Variants in GRB14 observed in about 807,000 individuals in gnomAD.
The protein encoded by GRB14 is growth factor receptor-bound protein 14.
GRB14 carries 38 observed loss-of-function variants against 69.1 expected under a neutral mutation model. The observed-to-expected ratio is 0.55, with a 90% confidence interval of 0.42 to 0.72. The LOEUF (loss-of-function observed/expected upper bound fraction) is 0.72. Among genes scored for constraint, GRB14 ranks in the 30% least tolerant of loss-of-function variants. The pLI, the probability that GRB14 is intolerant of heterozygous loss-of-function variation, is 0.00. For synonymous variants in GRB14, 247 were observed against 241.3 expected (o/e 1.02, Z -0.22); for missense variants, 666 against 666.1 (o/e 1.00, Z 0.00).
intron 2 of GRB14, among the ~76,000 whole-genome samples, chr2:164,569,212 G>T (rs1381825298): frequency 2.6e-5 from 4 of 152,066 alleles, no homozygotes; most frequent in African/African-American, 9.7e-5. Context: ...AAATTTTAAT[G>T]ACCATTTTGC....
In GRB14 at chr2:164,608,797, T is replaced by G. The variant is rs112355235; in HGVS notation, c.324+10890A>C. ...TGTAGTAGTCACCATGACAAATATT[T>G]CTTATGTTTTTCAGGAATGCAAACG... On this transcript the variant is annotated intron_variant, in intron 2 of 13. Coordinates refer to ENST00000263915, the MANE Select transcript of GRB14 (RefSeq NM_004490.3). 7.1e-3 allele frequency among the ~76,000 whole-genome samples: 1,088 copies of G among 152,272 alleles called. 6 individuals are homozygous for G. The highest frequency in any genetic ancestry group is 0.01 in the Middle Eastern group (3 of 294).
rs184257162 is a variant in GRB14 at position 164,566,784 on chromosome 2, T to C, written c.325-18968A>G. Among the ~76,000 whole-genome samples the C allele has an allele frequency of 1.2e-3, 177 of 152,214 alleles. 1 individual carries two copies. The highest frequency in any genetic ancestry group is 4.2e-3 in the African/African-American group (173 of 41,558). ...AACCATGAAAATATAAAATATTTGG[T>C]TCACAGAATTATAGACACAAATAAG... On this transcript the variant is annotated intron_variant, in intron 2 of 13. Coordinates refer to ENST00000263915, the MANE Select transcript of GRB14 (RefSeq NM_004490.3).
intron 3 of GRB14, among the ~76,000 whole-genome samples, chr2:164,541,492 A>T (rs1353020893): frequency 6.6e-6 from 1 of 151,092 alleles, no homozygotes; most frequent in African/African-American, 2.4e-5. Flanking sequence ...ATAATAATAA[A>T]TAATAATAAT....
intron 3 of GRB14, among the ~76,000 whole-genome samples, chr2:164,532,680 G>A (rs78428219): frequency 2.0e-5 from 3 of 152,258 alleles, no homozygotes; most frequent in African/African-American, 7.2e-5. Context: ...AGCTGTTAAC[G>A]GGCAAGGGGT....
intron 6 of GRB14, among the ~76,000 whole-genome samples, chr2:164,510,339 T>C (rs1451053228): frequency 6.6e-6 from 1 of 152,168 alleles, no homozygotes; most frequent in Non-Finnish European, 1.5e-5. Context: ...GGCTATGAAG[T>C]TGAACGGGCA....
At chr2:164,618,777 TAAGA>T (rs1309881895) in intron 2 of GRB14, among the ~76,000 whole-genome samples, 1 of 152,116 alleles carries the variant, frequency 6.6e-6, no homozygotes. Flanking sequence ...GGTGCAGAAA[TAAGA>T]AAGAGAGCAA....
intron 2 of GRB14, among the ~76,000 whole-genome samples, chr2:164,597,863 A>G (rs1689821019): frequency 6.6e-6 from 1 of 152,146 alleles, no homozygotes; most frequent in African/African-American, 2.4e-5. Flanking sequence ...TTCAAAATTG[A>G]TACCTTGGAA....
At chr2:164,616,225 T>C (rs1263469820) in intron 2 of GRB14, among the ~76,000 whole-genome samples, 4 of 151,766 alleles carry the variant, frequency 2.6e-5, no homozygotes, top group Non-Finnish European at 4.4e-5. Flanking sequence ...GAGATGGAGA[T>C]CATCCTGGCT....
intron 3 of GRB14, among the ~76,000 whole-genome samples, chr2:164,544,150 T>C (rs980278607): frequency 6.6e-6 from 1 of 152,196 alleles, no homozygotes; most frequent in Non-Finnish European, 1.5e-5. Flanking sequence ...TTTCAGCAGT[T>C]TCCAGAAAAT....
intron 8 of GRB14, among the ~76,000 whole-genome samples, chr2:164,505,440 C>A (rs778601340): frequency 5.9e-5 from 9 of 152,132 alleles, no homozygotes; most frequent in Non-Finnish European, 1.2e-4. Context: ...TTGCCCGAAA[C>A]CTTTGGTGGG....
intron 2 of GRB14, among the ~76,000 whole-genome samples, chr2:164,564,325 C>T (rs1300399349): frequency 2.0e-5 from 3 of 152,170 alleles, no homozygotes; most frequent in Admixed American, 1.3e-4. Context: ...GGCCCTGGAG[C>T]ATGGCAAATG....
intron 3 of GRB14, among the ~76,000 whole-genome samples, chr2:164,532,387 C>T (rs989700769): frequency 2.0e-5 from 3 of 152,074 alleles, no homozygotes; most frequent in African/African-American, 7.2e-5. Flanking sequence ...TCTTATAATA[C>T]CTATAGTAAG....
intron 8 of GRB14, among the ~76,000 whole-genome samples, chr2:164,507,891 A>G (rs1011531063): frequency 1.3e-5 from 2 of 152,184 alleles, no homozygotes; most frequent in Admixed American, 1.3e-4. Context: ...GAATATTGTT[A>G]CTCATTTCAA....
chr2:164,599,378 G>A (rs1023013967), intron 2 of GRB14, among the ~76,000 whole-genome samples: 1 of 152,142 alleles, frequency 6.6e-6, no homozygotes, highest in African/African-American at 2.4e-5. Flanking sequence ...GAGAAATGTA[G>A]TAAAGAATTT....
At chr2:164,588,123 T>A (rs1249823692) in intron 2 of GRB14, among the ~76,000 whole-genome samples, 2 of 152,212 alleles carry the variant, frequency 1.3e-5, no homozygotes, top group Non-Finnish European at 2.9e-5. Flanking sequence ...TCCAATCTTC[T>A]AAAACTCTCT....
chr2:164,517,493 A>G (rs1559030313), intron 6 of GRB14, among the ~76,000 whole-genome samples: 1 of 152,214 alleles, frequency 6.6e-6, no homozygotes, highest in Non-Finnish European at 1.5e-5. Flanking sequence ...TGAATAGAAT[A>G]GTACCTCAGT....
chr2:164,607,512 G>A (rs969433399), intron 2 of GRB14, among the ~76,000 whole-genome samples: 1 of 152,302 alleles, frequency 6.6e-6, no homozygotes, highest in South Asian at 2.1e-4. Context: ...ATCTGAGCGA[G>A]GGAGAAGAGG....
At chr2:164,535,628 T>A (rs1297482544) in intron 3 of GRB14, among the ~76,000 whole-genome samples, 2 of 152,238 alleles carry the variant, frequency 1.3e-5, no homozygotes, top group African/African-American at 4.8e-5. Context: ...AGAAACTACA[T>A]ACATTTTGTC....
chr2:164,560,725 T>C (rs1218851762), intron 2 of GRB14, among the ~76,000 whole-genome samples: 2 of 152,144 alleles, frequency 1.3e-5, no homozygotes, highest in South Asian at 2.1e-4. Context: ...CTACCCAAGA[T>C]AATTTCAGTT....
Sources: allele counts gnomAD v4.1 joint callset (sites outside exome capture counted in the v4.1 genomes callset), GRCh38; gene constraint gnomAD v4.1.1; transcripts MANE v1.5; gene names NCBI Gene and HGNC (gene_info 2026-07-23, HGNC 2026-07-21).